GRM4: variants seen among roughly 807,000 people sequenced by gnomAD.
GRM4 encodes the protein metabotropic glutamate receptor 4.
GRM4 carries 28 observed loss-of-function variants against 81.7 expected under a neutral mutation model. That is an observed-to-expected ratio of 0.34 (90% confidence interval 0.25 to 0.47). GRM4 has a LOEUF of 0.47. Among genes scored for constraint, GRM4 ranks in the 20% least tolerant of loss-of-function variants. The pLI, the probability that GRM4 is intolerant of heterozygous loss-of-function variation, is 1.00. For missense variants in GRM4, 948 were observed against 1,290.0 expected, an observed-to-expected ratio of 0.73 and a Z score of 4.06; for synonymous variants, 488 against 528.8, an observed-to-expected ratio of 0.92 and a Z score of 1.06.
chr6:34,148,304 A>C (rs1266294392), upstream of GRM4, among the ~76,000 whole-genome samples: 1 of 151,366 alleles, frequency 6.6e-6, no homozygotes, highest in Non-Finnish European at 1.5e-5. Flanking sequence ...CGCTCTTCTC[A>C]CTCTTGTTCT....
At chr6:34,075,503 A>C in intron 3 of GRM4, among the ~76,000 whole-genome samples, 1 of 152,074 alleles carries the variant, frequency 6.6e-6, no homozygotes. Flanking sequence ...GAAATATCCC[A>C]GCCCTTTCCT....
At chr6:34,028,081 C>A in intron 10 of GRM4, 39 bp downstream of exon 10, 2 of 1,581,854 alleles carry the variant, frequency 1.3e-6, no homozygotes, top group Non-Finnish European at 1.7e-6. Context: ...AGGAGCGGGG[C>A]CTGGGGCCCG....
At chr6:34,119,500 G>A (rs184971147) in intron 2 of GRM4, among the ~76,000 whole-genome samples, 52 of 152,366 alleles carry the variant, frequency 3.4e-4, no homozygotes, top group African/African-American at 1.1e-3. Context: ...TCCTGCAGAG[G>A]TGGAGGTGTC....
chr6:34,022,191 T>C lies in GRM4; in HGVS notation c.*630A>G, dbSNP rs1017882846. ...TTTTCCTTTTTTCTCTTTTGCAACA[T>C]GTAAGGTTTGGTGAACTGGGGAAGG... On this transcript the variant is annotated 3_prime_UTR_variant, in exon 11 of 11. Transcript: ENST00000538487. This position sits in a 1 kb window ranked among gnomAD's most constrained non-coding sequence, Gnocchi z 5.6. The C allele has an allele frequency of 1.2e-4, 18 of 154,042 alleles. No homozygotes were observed. The highest frequency in any genetic ancestry group is 4.4e-4 in the African/African-American group (18 of 41,364). 9.5% of individuals were successfully genotyped at this position (154,042 alleles called of 1,614,324 possible).
intron 2 of GRM4, among the ~76,000 whole-genome samples, chr6:34,104,730 C>T (rs984190781): frequency 6.6e-6 from 1 of 152,130 alleles, no homozygotes; most frequent in African/African-American, 2.4e-5. Flanking sequence ...GGTGTTTCCC[C>T]ACCACATCCC....
intron 3 of GRM4, among the ~76,000 whole-genome samples, chr6:34,077,495 G>A (rs1767376408): frequency 6.6e-6 from 1 of 151,964 alleles, no homozygotes; most frequent in Non-Finnish European, 1.5e-5. Flanking sequence ...ACCCAGCCTG[G>A]CCCTTACAAC....
chr6:34,136,563 G>GGCGCGGACACACAC lies in GRM4; in HGVS notation c.-363-2705_-363-2704insGTGTGTGTCCGCGC, dbSNP rs1554134962. ...GCTGAGCAGTGCATGCGCGCGTGCGGACACACACACACACACACACACACA... is the reference window on the plus strand; with the variant it reads ...GCTGAGCAGTGCATGCGCGCGTGCGGGCGCGGACACACACACACACACACACACACACACACACA... On this transcript the variant is annotated intron_variant, in intron 1 of 10. Transcript: ENST00000538487. This position sits in a 1 kb window ranked among gnomAD's most constrained non-coding sequence, Gnocchi z 4.1. 1.1e-4 allele frequency among the ~76,000 whole-genome samples: 16 copies of GGCGCGGACACACAC among 142,534 alleles called. No individual in the cohort carries two copies. Among genetic ancestry groups the GGCGCGGACACACAC allele is most frequent in the Admixed American group, 2.8e-4 (4 of 14,520 alleles). The allele number at this position is 142,534 out of a possible 152,430, so 93.5% of individuals were successfully genotyped here. A position where few individuals can be genotyped will look rare whatever the true frequency, so the allele number is the denominator to read the frequency against.
At chr6:34,153,376 C>A (rs1002720246) in intron 1 of GRM4, among the ~76,000 whole-genome samples, 8 of 152,264 alleles carry the variant, frequency 5.3e-5, no homozygotes, top group Admixed American at 4.6e-4. Flanking sequence ...AAGCCTCCAT[C>A]CCCCACACTC....
intron 3 of GRM4, among the ~76,000 whole-genome samples, chr6:34,071,374 C>T (rs9461952): frequency 1.9e-5 from 2 of 107,898 alleles, no homozygotes; most frequent in African/African-American, 5.7e-5. Flanking sequence ...TCACCACACA[C>T]ATACACACCA....
rs1266456298 is a variant in GRM4 at position 34,133,579 on chromosome 6, G to T, written c.-83C>A. 1.3e-6 allele frequency: 2 copies of T among 1,488,142 alleles called. No homozygotes were observed. Among genetic ancestry groups the T allele is most frequent in the Non-Finnish European group, 1.8e-6 (2 of 1,127,082 alleles). The allele number at this position is 1,488,142 out of a possible 1,614,324, so 92.2% of individuals were successfully genotyped here. A position where few individuals can be genotyped will look rare whatever the true frequency, so the allele number is the denominator to read the frequency against. On this transcript the variant is annotated 5_prime_UTR_variant, in exon 2 of 11. Coordinates refer to ENST00000538487, the MANE Select transcript of GRM4 (RefSeq NM_000841.4). The surrounding 1 kb of genome is among the most constrained non-coding windows in gnomAD (Gnocchi z 6.5). The stretch of plus-strand genomic sequence containing the variant: ...CTGGCCCCACGGCCTGGGTGGGCAT[G>T]GGCAGGGCAGCTTCAGCAGCAGGGG...
At chr6:34,147,900 TTGAATGAA>T (rs3041981), upstream of GRM4, among the ~76,000 whole-genome samples, 125 of 150,776 alleles carry the variant, frequency 8.3e-4, 1 homozygote, top group South Asian at 0.013. Flanking sequence ...TATACTTTTG[TTGAATGAA>T]TGAATGAATG....
upstream of GRM4, among the ~76,000 whole-genome samples, chr6:34,151,055 T>A (rs1561840939): frequency 6.6e-6 from 1 of 152,058 alleles, no homozygotes; most frequent in African/African-American, 2.4e-5. Flanking sequence ...GCCTCCAGCA[T>A]AAGAGTGGCC....
intron 1 of GRM4, among the ~76,000 whole-genome samples, chr6:34,141,131 G>A (rs1265340200): frequency 6.6e-6 from 1 of 152,240 alleles, no homozygotes; most frequent in Non-Finnish European, 1.5e-5. Context: ...AGATCCAGGG[G>A]CTAGCTTGTG....
intron 8 of GRM4, among the ~76,000 whole-genome samples, chr6:34,037,549 G>C (rs1469181750): frequency 2.0e-5 from 3 of 152,306 alleles, no homozygotes; most frequent in African/African-American, 7.2e-5. Flanking sequence ...GCTGGTTGGG[G>C]GGTGTGGGGA....
At chr6:34,077,252 G>A (rs988502737) in intron 3 of GRM4, among the ~76,000 whole-genome samples, 157 of 152,228 alleles carry the variant, frequency 1.0e-3, no homozygotes, top group African/African-American at 3.5e-3. Flanking sequence ...AAACCAGAGA[G>A]GGGCCAGGAT....
chr6:34,124,084 G>C (rs896720378), intron 2 of GRM4, among the ~76,000 whole-genome samples: 1 of 152,220 alleles, frequency 6.6e-6, no homozygotes, highest in Non-Finnish European at 1.5e-5. Context: ...TGAGGAAACA[G>C]GGGTCCCAAG....
At chr6:34,123,511 G>T (rs1769898755) in intron 2 of GRM4, among the ~76,000 whole-genome samples, 1 of 152,122 alleles carries the variant, frequency 6.6e-6, no homozygotes, top group African/African-American at 2.4e-5. Flanking sequence ...ACGTGATTCT[G>T]CCCATTTCCC....
intron 6 of GRM4, among the ~76,000 whole-genome samples, chr6:34,050,870 T>A (rs1362023643): frequency 2.0e-5 from 3 of 152,052 alleles, no homozygotes. Context: ...GGCAGGTCTG[T>A]CCCCCTCACT....
rs766578330 is a variant in GRM4, at chr6:34,091,863, C to T, written c.736+20G>A. 7.7e-5 allele frequency: 120 copies of T among 1,558,454 alleles called. No homozygotes were observed. Among genetic ancestry groups the T allele is most frequent in the Non-Finnish European group, 9.5e-5 (108 of 1,133,702 alleles). On this transcript the variant is annotated intron_variant, in intron 3 of 10. Coordinates refer to ENST00000538487, the MANE Select transcript of GRM4 (RefSeq NM_000841.4). ...CACCCCCGAGCCTGGCATGACTCTG[C>T]GGCCAGGCGTTTGACTCACCGTCCT...
Sources: gnomAD v4.1 joint callset for allele counts (sites outside exome capture counted in the v4.1 genomes callset) on GRCh38, gnomAD v4.1.1 for gene constraint, Gnocchi (gnomAD v3.1) non-coding constraint, MANE v1.5 for transcripts, NCBI Gene and HGNC (gene_info 2026-07-23, HGNC 2026-07-21) for gene names.